Variants in MPHOSPH9 observed in about 807,000 individuals in gnomAD.
The protein encoded by MPHOSPH9 is M-phase phosphoprotein 9.
In MPHOSPH9, 88 loss-of-function variants were observed where a neutral mutation model predicts 145.5. The ratio of observed to expected loss-of-function variants is 0.60; its 90% CI spans 0.51 to 0.72. The LOEUF (loss-of-function observed/expected upper bound fraction) is 0.72. Among genes scored for constraint, MPHOSPH9 ranks in the 30% least tolerant of loss-of-function variants. The pLI, the probability that MPHOSPH9 is intolerant of heterozygous loss-of-function variation, is 0.00. For synonymous variants in MPHOSPH9, 435 were observed against 486.2 expected, an observed-to-expected ratio of 0.89 and a Z score of 1.39; for missense variants, 1,238 against 1,386.6, an observed-to-expected ratio of 0.89 and a Z score of 1.70.
chr12:123,183,126 T>G (rs909370383), intron 13 of MPHOSPH9, among the ~76,000 whole-genome samples: 1 of 151,950 alleles, frequency 6.6e-6, no homozygotes, highest in Admixed American at 6.6e-5. Flanking sequence ...GATGACAAAT[T>G]AATAACAGAA....
upstream of MPHOSPH9, among the ~76,000 whole-genome samples, chr12:123,236,724 C>CT (rs1332856034): frequency 3.3e-5 from 5 of 152,046 alleles, no homozygotes; most frequent in African/African-American, 1.2e-4. Flanking sequence ...GTTATTCCTG[C>CT]TTTTTTAATG....
At chr12:123,165,251 A>C (rs376155020) in intron 18 of MPHOSPH9, 51 bp downstream of exon 18, 99 of 1,470,594 alleles carry the variant, frequency 6.7e-5, no homozygotes, top group Non-Finnish European at 8.8e-5. Context: ...AGGTAATATA[A>C]ATGGGGAAAA....
At chr12:123,188,478 C>T (rs1214595208) in intron 13 of MPHOSPH9, among the ~76,000 whole-genome samples, 1 of 152,204 alleles carries the variant, frequency 6.6e-6, no homozygotes, top group Non-Finnish European at 1.5e-5. Context: ...CTTGCAGAAC[C>T]TTGCTGTGTT....
intron 8 of MPHOSPH9, among the ~76,000 whole-genome samples, chr12:123,208,752 C>T (rs192843065): frequency 3.9e-4 from 58 of 150,236 alleles, no homozygotes; most frequent in African/African-American, 1.3e-3. Flanking sequence ...TTTTTTTTTT[C>T]CCTTTTTGAG....
intron 1 of MPHOSPH9, among the ~76,000 whole-genome samples, chr12:123,231,392 AGAACT>A: frequency 6.6e-6 from 1 of 152,380 alleles, no homozygotes; most frequent in South Asian, 2.1e-4. Flanking sequence ...AGAGACAAGA[AGAACT>A]GAACTACTTA....
At chr12:123,165,695 C>A in intron 17 of MPHOSPH9, 2 of 464,536 alleles carry the variant, frequency 4.3e-6, no homozygotes, top group Admixed American at 3.5e-5. Flanking sequence ...GAGGCAGGAG[C>A]GCTCTCTCTG....
chr12:123,220,784 G>A (rs578004684), intron 5 of MPHOSPH9, among the ~76,000 whole-genome samples: 4 of 151,746 alleles, frequency 2.6e-5, no homozygotes, highest in South Asian at 2.1e-4. Context: ...GGCTGGGCGA[G>A]GTGGCTCACA....
chr12:123,217,606 T>C (rs1380753033), intron 6 of MPHOSPH9, among the ~76,000 whole-genome samples: 2 of 152,206 alleles, frequency 1.3e-5, no homozygotes, highest in Non-Finnish European at 2.9e-5. Context: ...ATGTAAACAT[T>C]TGCAGTACAA....
In MPHOSPH9 at chr12:123,227,558, A is replaced by C. The variant is rs1473384386; in HGVS notation, c.163T>G (p.Ser55Ala). 6.5e-6 allele frequency: 10 copies of C among 1,532,786 alleles called. No individual in the cohort carries two copies. In the South Asian group the frequency reaches 1.2e-4, roughly 18 times the overall value. The allele number at this position is 1,532,786 out of a possible 1,614,324, so 94.9% of individuals were successfully genotyped here. The change falls in exon 3 of 24, where the codon TCT becomes GCT. Residue 55 changes from serine (S) to alanine (A), a missense_variant. Ser to Ala is a moderately conservative substitution (Grantham distance 99). Transcript: ENST00000606320. ...VSSFSGKTRPSVIQGTVEVLT... is the reference protein window; with the variant it reads ...VSSFSGKTRPAVIQGTVEVLT... ...ACTTCAACTGTACCTTGAATTACAG[A>C]TGGTCTGGTCTTCCCTGAGAAAGAG...
intron 16 of MPHOSPH9, among the ~76,000 whole-genome samples, chr12:123,175,014 C>A (rs1446171642): frequency 1.3e-5 from 2 of 152,210 alleles, no homozygotes; most frequent in African/African-American, 4.8e-5. Flanking sequence ...TAGCACTGCA[C>A]CAGACTAACT....
At chr12:123,230,629 T>A in intron 1 of MPHOSPH9, 107 bp from the exon 2 acceptor site, 1 of 298,476 alleles carries the variant, frequency 3.4e-6, no homozygotes, top group Non-Finnish European at 6.3e-6. Context: ...AGATCTCCAT[T>A]AAGGATAGCA....
At chr12:123,189,460 A>T (rs1164897535) in intron 13 of MPHOSPH9, among the ~76,000 whole-genome samples, 2 of 152,168 alleles carry the variant, frequency 1.3e-5, no homozygotes, top group Non-Finnish European at 2.9e-5. Flanking sequence ...ACATAGAAGA[A>T]ATGTTCATAG....
In MPHOSPH9 at chr12:123,163,257, G is replaced by C. The variant is rs533822900; in HGVS notation, c.2909-123C>G. ...ATAATTTCAACGTAAAACTTTGAGA[G>C]AGAAATAAGAGTGTACAAAAAAATA... On this transcript the variant is annotated intron_variant, in intron 19 of 23. Coordinates refer to ENST00000606320, the MANE Select transcript of MPHOSPH9 (RefSeq NM_022782.4). 2.9e-3 allele frequency: 2,976 copies of C among 1,041,280 alleles called. 8 individuals are homozygous for C. The highest frequency in any genetic ancestry group is 3.6e-3 in the Non-Finnish European group (2,689 of 756,450). 64.5% of individuals were successfully genotyped at this position (1,041,280 alleles called of 1,614,324 possible).
At chr12:123,174,397 G>C (rs1337465528) in intron 16 of MPHOSPH9, among the ~76,000 whole-genome samples, 1 of 145,278 alleles carries the variant, frequency 6.9e-6, no homozygotes, top group Non-Finnish European at 1.5e-5. Flanking sequence ...TTTTGAGACG[G>C]AGTCTTGCTC....
chr12:123,193,823 G>GTTTTT (rs35393288), intron 13 of MPHOSPH9, among the ~76,000 whole-genome samples: 1 of 146,350 alleles, frequency 6.8e-6, no homozygotes. Flanking sequence ...TGCAGACACA[G>GTTTTT]TTTTTTTTTT....
rs533574058 is a variant in MPHOSPH9, at chr12:123,190,310, G to A, written c.2241+4076C>T. On this transcript the variant is annotated intron_variant, in intron 13 of 23. Coordinates refer to ENST00000606320, the MANE Select transcript of MPHOSPH9 (RefSeq NM_022782.4). ...TGGGACTACAGGCGCCCACCACCAC[G>A]CCCAACTAATTTTTTGTATTTTTAG... Among the ~76,000 whole-genome samples, 36 of 151,824 alleles carry A rather than the reference G, an allele frequency of 2.4e-4. No homozygotes were observed. The South Asian group carries it at 2.7e-3, about 11-fold the overall frequency.
upstream of MPHOSPH9, among the ~76,000 whole-genome samples, chr12:123,237,429 AAAAAT>A (rs1347698649): frequency 6.6e-6 from 1 of 152,232 alleles, no homozygotes; most frequent in Non-Finnish European, 1.5e-5. Context: ...ACTCCGGCTC[AAAAAT>A]AAAATAAAAA....
intron 11 of MPHOSPH9, among the ~76,000 whole-genome samples, chr12:123,198,679 A>G (rs2046081058): frequency 6.6e-6 from 1 of 151,572 alleles, no homozygotes; most frequent in Non-Finnish European, 1.5e-5. Context: ...GCATGGTGGC[A>G]TGTGCCTGTA....
At position 123,221,731 on chromosome 12, in the gene MPHOSPH9, T is replaced by G; in HGVS notation, c.513A>C (p.Glu171Asp). 1.9e-6 allele frequency: 3 copies of G among 1,614,128 alleles called. No homozygotes were observed. Among genetic ancestry groups the G allele is most frequent in the Non-Finnish European group, 2.5e-6 (3 of 1,180,008 alleles). Residue 171 changes from glutamate (E) to aspartate (D), a missense_variant, in exon 5 of 24, where the codon GAA (glutamate) becomes GAC (aspartate). Transcript: ENST00000606320. ...ERNESVIHYPESTEPEIQQEM... is the reference protein window; with the variant it reads ...ERNESVIHYPDSTEPEIQQEM... ...CTTGCTGTATTTCAGGTTCTGTGGA[T>G]TCAGGATAATGGATAACAGATTCAT... is the stretch of plus-strand genomic sequence containing the variant.
Sources: gnomAD v4.1 joint callset for allele counts (sites outside exome capture counted in the v4.1 genomes callset) on GRCh38, gnomAD v4.1.1 for gene constraint, MANE v1.5 for transcripts, NCBI Gene and HGNC (gene_info 2026-07-23, HGNC 2026-07-21) for gene names.